LUZP2: variants seen among roughly 807,000 people sequenced by gnomAD.
LUZP2 encodes the protein leucine zipper protein 2.
Under a neutral mutation model 51.6 loss-of-function variants are expected in LUZP2, and 52 were observed. The ratio of observed to expected loss-of-function variants is 1.01; its 90% confidence interval spans 0.81 to 1.27. The LOEUF is 1.27. Ranked by LOEUF, LUZP2 falls within the 50% of genes most tolerant of loss-of-function variation. LUZP2 has a pLI of 0.00. For missense variants in LUZP2, 436 were observed against 395.4 expected (o/e 1.10, Z -0.87); for synonymous variants, 154 against 137.3 (o/e 1.12, Z -0.85).
intron 9 of LUZP2, among the ~76,000 whole-genome samples, chr11:25,046,697 G>T (rs1858324687): frequency 6.6e-6 from 1 of 152,122 alleles, no homozygotes; most frequent in African/African-American, 2.4e-5. Context: ...CTGGTACCAA[G>T]AAGGTTAATG....
intron 9 of LUZP2, among the ~76,000 whole-genome samples, chr11:25,012,372 A>T (rs1857012322): frequency 6.6e-6 from 1 of 152,182 alleles, no homozygotes; most frequent in South Asian, 2.1e-4. Flanking sequence ...TTTCCCAAGC[A>T]TGGCTAAACT....
chr11:24,937,433 T>G (rs1032173184), intron 7 of LUZP2, among the ~76,000 whole-genome samples: 4 of 152,344 alleles, frequency 2.6e-5, no homozygotes, highest in Admixed American at 2.0e-4. Context: ...TTCCAAGTTA[T>G]GTAGCAGGAT....
chr11:24,666,914 A>C (rs2133993634), intron 1 of LUZP2, among the ~76,000 whole-genome samples: 1 of 152,312 alleles, frequency 6.6e-6, no homozygotes, highest in South Asian at 2.1e-4. Context: ...CAACTGACTT[A>C]TAATTCTGTT....
At chr11:24,788,349 C>A (rs1012095175) in intron 5 of LUZP2, among the ~76,000 whole-genome samples, 1 of 151,948 alleles carries the variant, frequency 6.6e-6, no homozygotes, top group East Asian at 1.9e-4. Context: ...ACCACCATAC[C>A]CAGCTAATTT....
At chr11:24,873,845 A>C (rs920044003) in intron 5 of LUZP2, among the ~76,000 whole-genome samples, 1 of 152,156 alleles carries the variant, frequency 6.6e-6, no homozygotes, top group African/African-American at 2.4e-5. Context: ...AAATAGAAAA[A>C]CTACATCTTG....
chr11:25,058,035 G>A (rs1375046584), intron 10 of LUZP2, among the ~76,000 whole-genome samples: 2 of 151,934 alleles, frequency 1.3e-5, no homozygotes, highest in Non-Finnish European at 2.9e-5. Flanking sequence ...TAATTTTCTA[G>A]GCAAGTCATA....
intron 1 of LUZP2, among the ~76,000 whole-genome samples, chr11:24,572,385 A>C (rs1214248978): frequency 1.3e-5 from 2 of 151,984 alleles, no homozygotes; most frequent in Non-Finnish European, 2.9e-5. Context: ...AATTCAGTTT[A>C]TATACTTTTT....
chr11:24,847,980 T>C lies in LUZP2; in HGVS notation c.397-58011T>C, dbSNP rs1031664957. Among the ~76,000 whole-genome samples, 6 of 152,160 alleles carry C rather than the reference T, an allele frequency of 3.9e-5. No homozygotes were observed. The East Asian group carries it at 9.6e-4, about 24-fold the overall frequency. On this transcript the variant is annotated intron_variant, in intron 5 of 11. Transcript: ENST00000336930. ...TATTGTATTTAGAATACTCCCTTAA[T>C]TTCTGGTACATAGAATCATTTAAGA...
At chr11:24,921,462 A>G (rs1197396591) in intron 7 of LUZP2, among the ~76,000 whole-genome samples, 1 of 152,144 alleles carries the variant, frequency 6.6e-6, no homozygotes, top group Non-Finnish European at 1.5e-5. Flanking sequence ...ACAGGTGGCG[A>G]CAAGGAGAAG....
chr11:24,949,968 CT>C (rs34673656), intron 7 of LUZP2, among the ~76,000 whole-genome samples: 96,777 of 119,734 alleles, frequency 0.81, 39,364 homozygotes, highest in Non-Finnish European at 0.88. Context: ...TCTTTCTTTT[CT>C]TTTTTTTTTT....
intron 1 of LUZP2, among the ~76,000 whole-genome samples, chr11:24,727,721 T>C (rs1401500020): frequency 6.6e-6 from 1 of 152,162 alleles, no homozygotes; most frequent in East Asian, 1.9e-4. Flanking sequence ...TGATTACTGG[T>C]TGACTACTGT....
At chr11:24,527,070 G>C (rs1509609) in intron 1 of LUZP2, among the ~76,000 whole-genome samples, 1 of 151,154 alleles carries the variant, frequency 6.6e-6, no homozygotes, top group Non-Finnish European at 1.5e-5. Flanking sequence ...AGTCAGTGGC[G>C]ACCCTCCATT....
intron 5 of LUZP2, among the ~76,000 whole-genome samples, chr11:24,775,391 G>A (rs922621317): frequency 3.3e-5 from 5 of 152,140 alleles, no homozygotes; most frequent in African/African-American, 1.2e-4. Flanking sequence ...CCAAATCAAT[G>A]CTGTAAGTAT....
chr11:25,009,276 G>T (rs557781553), intron 9 of LUZP2, among the ~76,000 whole-genome samples: 1 of 152,188 alleles, frequency 6.6e-6, no homozygotes, highest in South Asian at 2.1e-4. Context: ...TACTTTAAAT[G>T]ATCTTTTACT....
At chr11:25,010,400 C>A (rs115639216) in intron 9 of LUZP2, among the ~76,000 whole-genome samples, 1 of 151,422 alleles carries the variant, frequency 6.6e-6, no homozygotes, top group South Asian at 2.1e-4. Flanking sequence ...CTAAAAACTA[C>A]GAAATTGGCC....
chr11:25,013,835 G>A (rs1414932358), intron 9 of LUZP2, among the ~76,000 whole-genome samples: 5 of 152,062 alleles, frequency 3.3e-5, no homozygotes, highest in South Asian at 2.1e-4. Context: ...TGACATGTTG[G>A]TGTGCTGCAC....
intron 7 of LUZP2, among the ~76,000 whole-genome samples, chr11:24,953,645 CAG>C (rs1359774865): frequency 1.3e-5 from 2 of 151,974 alleles, no homozygotes; most frequent in Non-Finnish European, 2.9e-5. Flanking sequence ...CTTGTAAATA[CAG>C]AGACTTTTCA....
intron 5 of LUZP2, among the ~76,000 whole-genome samples, chr11:24,862,916 T>A (rs1174410444): frequency 6.6e-6 from 1 of 152,178 alleles, no homozygotes; most frequent in Non-Finnish European, 1.5e-5. Context: ...TCAAATAAGA[T>A]TTTTTTAAGA....
chr11:24,847,180 A>C (rs1303188418), intron 5 of LUZP2, among the ~76,000 whole-genome samples: 1 of 151,986 alleles, frequency 6.6e-6, no homozygotes, highest in African/African-American at 2.4e-5. Flanking sequence ...TAATCATCCA[A>C]ATCATGAAAT....
Sources: gnomAD v4.1 joint callset for allele counts (sites outside exome capture counted in the v4.1 genomes callset) on GRCh38, gnomAD v4.1.1 for gene constraint, MANE v1.5 for transcripts, NCBI Gene and HGNC (gene_info 2026-07-23, HGNC 2026-07-21) for gene names.